The following SLC25A26 variants were observed in gnomAD, a reference collection of about 807,000 sequenced individuals.
SLC25A26 encodes solute carrier family 25 member 26.
A neutral mutation model predicts 37.8 loss-of-function variants in SLC25A26; 36 were observed. That is an observed-to-expected ratio of 0.95 (90% CI 0.73 to 1.26). The LOEUF (loss-of-function observed/expected upper bound fraction) is 1.26. SLC25A26 is among the 50% of genes most tolerant of loss of function. The pLI, the probability that SLC25A26 is intolerant of heterozygous loss-of-function variation, is 0.00. For synonymous variants in SLC25A26, 129 were observed against 122.5 expected (o/e 1.05, Z -0.35); for missense variants, 390 against 331.1 (o/e 1.18, Z -1.38).
chr3:66,253,882 C>G (rs1440299890), intron 3 of SLC25A26, among the ~76,000 whole-genome samples: 2 of 151,960 alleles, frequency 1.3e-5, no homozygotes, highest in Non-Finnish European at 2.9e-5. Context: ...TGGAAAAATA[C>G]AAAAGCAAAA....
intron 6 of SLC25A26, among the ~76,000 whole-genome samples, chr3:66,350,319 C>T (rs2076420263): frequency 6.6e-6 from 1 of 152,170 alleles, no homozygotes; most frequent in African/African-American, 2.4e-5. Context: ...TCATGTCTTC[C>T]TGCTGTCTCC....
At position 66,176,473 on chromosome 3, in the gene SLC25A26, G is replaced by A. The variant is rs567880966; in HGVS notation, c.-354+42489G>A. 5.3e-5 allele frequency among the ~76,000 whole-genome samples: 8 copies of A among 152,094 alleles called. No homozygotes were observed. In the East Asian group the frequency reaches 1.4e-3, roughly 26 times the overall value. ...CTAATATAAATGCAGTGTATGCCTC[G>A]CAGCCTAGTAAATCAAAAATACATT... is the stretch of plus-strand genomic sequence containing the variant. On this transcript the variant is annotated intron_variant, in intron 1 of 10. Transcript: ENST00000676754.
chr3:66,304,238 G>A lies in SLC25A26; in HGVS notation c.453+40859G>A, dbSNP rs11920288. Among the ~76,000 whole-genome samples, 7,876 of 152,194 alleles carry A rather than the reference G, an allele frequency of 0.052. 615 individuals are homozygous for A. The highest frequency in any genetic ancestry group is 0.17 in the African/African-American group (6,924 of 41,474). On this transcript the variant is annotated intron_variant, in intron 5 of 9. Transcript: ENST00000354883. ...CAGGACTTGTCTTTGTCCTGTTCAC[G>A]GTCCCATCCACACTGGATGGGGGAG...
At chr3:66,200,329 G>T (rs988242356) in intron 1 of SLC25A26, among the ~76,000 whole-genome samples, 10 of 152,270 alleles carry the variant, frequency 6.6e-5, no homozygotes, top group Non-Finnish European at 1.0e-4. Context: ...TCCCTGGCAG[G>T]TGCCGGGTGG....
chr3:66,284,806 A>G (rs1450603539), intron 5 of SLC25A26, among the ~76,000 whole-genome samples: 2 of 152,244 alleles, frequency 1.3e-5, no homozygotes, highest in East Asian at 3.8e-4. Context: ...TGAGATATCA[A>G]GAAAACACGG....
At chr3:66,304,622 C>T (rs2075166137) in intron 5 of SLC25A26, 1 of 332,500 alleles carries the variant, frequency 3.0e-6, no homozygotes, top group Non-Finnish European at 6.0e-6. Context: ...AGGAAACCAT[C>T]GAGGTGTCAG....
intron 1 of SLC25A26, among the ~76,000 whole-genome samples, chr3:66,145,519 C>T (rs2070102244): frequency 6.6e-6 from 1 of 152,140 alleles, no homozygotes; most frequent in South Asian, 2.1e-4. Context: ...GGTCCCAAAT[C>T]CTTCTGCTTT....
At chr3:66,271,666 A>C (rs1222009214) in intron 5 of SLC25A26, among the ~76,000 whole-genome samples, 2 of 152,140 alleles carry the variant, frequency 1.3e-5, no homozygotes, top group African/African-American at 4.8e-5. Flanking sequence ...TACTACCGTT[A>C]CTGAGTCACC....
chr3:66,372,186 AAAACC>A (rs1365527131), intron 9 of SLC25A26, among the ~76,000 whole-genome samples: 2 of 152,250 alleles, frequency 1.3e-5, no homozygotes, highest in African/African-American at 4.8e-5. Flanking sequence ...TTTAGACTGT[AAAACC>A]AAACTGCCAA....
At chr3:66,255,080 G>A (rs2073247837) in intron 3 of SLC25A26, among the ~76,000 whole-genome samples, 1 of 152,152 alleles carries the variant, frequency 6.6e-6, no homozygotes, top group Non-Finnish European at 1.5e-5. Context: ...AAGTGAGGCC[G>A]AAGTTCACTG....
At chr3:66,169,065 C>T (rs2106727791) in intron 1 of SLC25A26, among the ~76,000 whole-genome samples, 1 of 152,332 alleles carries the variant, frequency 6.6e-6, no homozygotes, top group East Asian at 1.9e-4. Context: ...TTCGAGGCTG[C>T]AGTGAGCTAT....
At chr3:66,211,755 A>G (rs1221364799) in intron 1 of SLC25A26, among the ~76,000 whole-genome samples, 1 of 152,226 alleles carries the variant, frequency 6.6e-6, no homozygotes, top group African/African-American at 2.4e-5. Flanking sequence ...TTGAAATCAA[A>G]TATTTTAAAT....
intron 6 of SLC25A26, 97 bp downstream of exon 6, chr3:66,346,505 C>T: frequency 1.7e-6 from 1 of 593,066 alleles, no homozygotes; most frequent in Non-Finnish European, 2.8e-6. Flanking sequence ...ACTAGAAGTT[C>T]AGCAACTCAA....
At chr3:66,214,151 T>A (rs1475505950) in intron 1 of SLC25A26, among the ~76,000 whole-genome samples, 1 of 152,096 alleles carries the variant, frequency 6.6e-6, no homozygotes, top group Non-Finnish European at 1.5e-5. Context: ...TGGATCCCTC[T>A]TGAATGGCTT....
chr3:66,363,558 G>A (rs1408452215), intron 7 of SLC25A26, among the ~76,000 whole-genome samples: 1 of 152,182 alleles, frequency 6.6e-6, no homozygotes, highest in Admixed American at 6.5e-5. Flanking sequence ...GAACTCAAAT[G>A]CTTTAAAGAG....
intron 5 of SLC25A26, among the ~76,000 whole-genome samples, chr3:66,319,245 A>AT (rs2075625621): frequency 7.4e-6 from 1 of 135,858 alleles, no homozygotes; most frequent in Non-Finnish European, 1.6e-5. Flanking sequence ...TCATTATATA[A>AT]TTGTTTTTTT....
intron 5 of SLC25A26, among the ~76,000 whole-genome samples, chr3:66,265,772 G>A (rs1049445982): frequency 1.3e-5 from 2 of 152,162 alleles, no homozygotes; most frequent in African/African-American, 4.8e-5. Flanking sequence ...AGTTAATTGT[G>A]TGGAGATGAC....
intron 6 of SLC25A26, among the ~76,000 whole-genome samples, chr3:66,361,124 A>G (rs1415615189): frequency 1.3e-5 from 2 of 152,240 alleles, no homozygotes; most frequent in African/African-American, 4.8e-5. Context: ...GACAAAAGCA[A>G]GAGGGCAGTT....
intron 1 of SLC25A26, among the ~76,000 whole-genome samples, chr3:66,194,382 G>T (rs2071004555): frequency 6.6e-6 from 1 of 152,146 alleles, no homozygotes; most frequent in African/African-American, 2.4e-5. Context: ...TCTCTCCAAT[G>T]ACAGAGGTGC....
Sources: allele counts gnomAD v4.1 joint callset (sites outside exome capture counted in the v4.1 genomes callset), GRCh38; gene constraint gnomAD v4.1.1; transcripts MANE v1.5; gene names NCBI Gene and HGNC (gene_info 2026-07-23, HGNC 2026-07-21).